Variants in DOCK2 observed in about 807,000 individuals in gnomAD.
DOCK2 encodes dedicator of cytokinesis 2, also known as dedicator of cytokinesis protein 2.
Under a neutral mutation model 248.9 loss-of-function variants are expected in DOCK2, and 87 were observed. That is an observed-to-expected ratio of 0.35 (90% confidence interval 0.29 to 0.42). The LOEUF (loss-of-function observed/expected upper bound fraction) is 0.42. DOCK2 is among the 10% of genes least tolerant of loss of function. The probability of loss-of-function intolerance (pLI) is 1.00; values close to 1 mark genes in which losing one functional copy is unlikely to be tolerated. For missense variants in DOCK2, 1,747 were observed against 2,300.2 expected, an observed-to-expected ratio of 0.76 and a Z score of 4.92; for synonymous variants, 805 against 821.6, an observed-to-expected ratio of 0.98 and a Z score of 0.35.
rs2113506489 is a variant in DOCK2 at position 169,708,084 on chromosome 5, G to A, written c.1384-85G>A. 1.5e-5 allele frequency: 21 copies of A among 1,444,026 alleles called. No homozygotes were observed. The South Asian group carries it at 2.6e-4, about 18-fold the overall frequency. 89.5% of individuals were successfully genotyped at this position (1,444,026 alleles called of 1,614,324 possible). The stretch of plus-strand genomic sequence containing the variant: ...AGGGTTGGCCCAGGCCCTAAGGCTG[G>A]TCGTGGCCTAGGGACCAAACCTGCA... On this transcript the variant is annotated intron_variant, in intron 14 of 51. Coordinates refer to ENST00000520908, the MANE Select transcript of DOCK2 (RefSeq NM_004946.3).
intron 27 of DOCK2, among the ~76,000 whole-genome samples, chr5:169,968,849 G>C (rs771225224): frequency 6.6e-6 from 1 of 152,238 alleles, no homozygotes; most frequent in East Asian, 1.9e-4. Flanking sequence ...AATAGAGAAG[G>C]CTTCCCGGGA....
In DOCK2 at chr5:169,932,551, G is replaced by A. The variant is rs144564366; in HGVS notation, c.2800-50517G>A. Among the ~76,000 whole-genome samples, 672 of 152,282 alleles carry A rather than the reference G, an allele frequency of 4.4e-3. 3 individuals carry two copies. The highest frequency in any genetic ancestry group is 7.3e-3 in the Non-Finnish European group (496 of 68,026). On this transcript the variant is annotated intron_variant, in intron 27 of 51. Transcript: ENST00000520908. Reference sequence around the variant, plus strand: ...TGCATGCCTCACTGATGCTTTTGCCGTCAGTTTTGGGTTTTTTAGACCTGG... The same window carrying A: ...TGCATGCCTCACTGATGCTTTTGCCATCAGTTTTGGGTTTTTTAGACCTGG...
In DOCK2 at chr5:169,714,029, G is replaced by A; in HGVS notation, c.1661G>A (p.Gly554Glu). ...GCAGTAACCAAGTGTTGTTTCCAGG[G>A]GGACAGCAAGAAGATGGAGGATGCC... ...DGFHDLVVLK[G>E]DSKKMEDASA... The change falls in exon 18 of 52, where the codon GGG becomes GAG. Residue 554 changes from glycine (G) to glutamate (E), a missense_variant and splice_region_variant. Gly to Glu is a moderately conservative substitution (Grantham distance 98). This residue lies in a region of DOCK2 where 858 missense variants were observed against 1,183.5 expected (regional missense o/e 0.72). Coordinates refer to ENST00000520908, the MANE Select transcript of DOCK2 (RefSeq NM_004946.3). 1 of 1,592,674 alleles carries A rather than the reference G, an allele frequency of 6.3e-7. No individual in the cohort carries two copies. Among genetic ancestry groups the A allele is most frequent in the Non-Finnish European group, 8.6e-7 (1 of 1,166,136 alleles).
At chr5:169,804,472 G>GCA (rs1767200029) in intron 26 of DOCK2, among the ~76,000 whole-genome samples, 1 of 83,708 alleles carries the variant, frequency 1.2e-5, no homozygotes, top group African/African-American at 3.0e-5. Flanking sequence ...GTGTGTGTGT[G>GCA]TGTGTGTGTG....
intron 23 of DOCK2, among the ~76,000 whole-genome samples, chr5:169,758,162 C>T (rs1375421336): frequency 6.6e-6 from 1 of 152,144 alleles, no homozygotes; most frequent in African/African-American, 2.4e-5. Flanking sequence ...TTGAGCAGTG[C>T]TGGGCAGTGG....
intron 44 of DOCK2, among the ~76,000 whole-genome samples, chr5:170,064,859 T>C (rs887844440): frequency 6.6e-6 from 1 of 152,110 alleles, no homozygotes; most frequent in African/African-American, 2.4e-5. Flanking sequence ...TTATAAGAAA[T>C]ACTAAAGGTA....
At chr5:170,005,314 A>C (rs766868350) in intron 30 of DOCK2, among the ~76,000 whole-genome samples, 3 of 152,194 alleles carry the variant, frequency 2.0e-5, no homozygotes, top group Non-Finnish European at 4.4e-5. Flanking sequence ...CAATATAGCA[A>C]TTGATAAACA....
chr5:169,724,329 T>A (rs934117376), intron 22 of DOCK2, among the ~76,000 whole-genome samples: 1 of 152,170 alleles, frequency 6.6e-6, no homozygotes, highest in Non-Finnish European at 1.5e-5. Flanking sequence ...AGGAAAGGCA[T>A]CCTTGCTGTT....
At chr5:169,976,562 A>T (rs1380345704) in intron 27 of DOCK2, among the ~76,000 whole-genome samples, 1 of 152,192 alleles carries the variant, frequency 6.6e-6, no homozygotes, top group East Asian at 1.9e-4. Flanking sequence ...CATATACTTT[A>T]GAAGTTTTCA....
At chr5:169,703,063 A>C (rs562402862) in intron 14 of DOCK2, among the ~76,000 whole-genome samples, 27 of 152,228 alleles carry the variant, frequency 1.8e-4, no homozygotes, top group African/African-American at 6.5e-4. Flanking sequence ...TATTTTCTTT[A>C]AGGTTGTCAG....
chr5:169,779,938 C>T (rs1225089240), intron 25 of DOCK2, among the ~76,000 whole-genome samples: 7 of 152,038 alleles, frequency 4.6e-5, no homozygotes, highest in Admixed American at 2.6e-4. Context: ...GAATTCATCC[C>T]GTTGCATTTG....
At chr5:169,834,711 C>T (rs1200744068) in intron 26 of DOCK2, among the ~76,000 whole-genome samples, 1 of 152,028 alleles carries the variant, frequency 6.6e-6, no homozygotes, top group Non-Finnish European at 1.5e-5. Context: ...CCAACCAGAT[C>T]ACCCTGCAAT....
Position 169,712,212 on chromosome 5 carries a change from G to C in DOCK2, c.1648G>C (p.Val550Leu). ...TTLHDGFHDL[V>L]VLKGDSKKME... ...TCTACACGATGGATTCCATGACTTA[G>C]TTGTCCTCAAGGTACCATGAGTTGG... Residue 550 changes from valine (V) to leucine (L), a missense_variant, in exon 17 of 52, where the codon GTT (valine) becomes CTT (leucine). This residue lies in a region of DOCK2 where 858 missense variants were observed against 1,183.5 expected (regional missense o/e 0.72). Transcript: ENST00000520908. The C allele has an allele frequency of 6.2e-7, 1 of 1,614,066 alleles. No homozygotes were observed. The highest frequency in any genetic ancestry group is 8.5e-7 in the Non-Finnish European group (1 of 1,179,930).
chr5:170,008,266 C>T (rs948966205), intron 30 of DOCK2, among the ~76,000 whole-genome samples: 1 of 151,880 alleles, frequency 6.6e-6, no homozygotes, highest in African/African-American at 2.4e-5. Context: ...CTCCCAAATC[C>T]TGTTGTCTGA....
At chr5:169,777,812 A>G (rs146299330) in intron 25 of DOCK2, among the ~76,000 whole-genome samples, 27 of 152,360 alleles carry the variant, frequency 1.8e-4, no homozygotes, top group South Asian at 1.2e-3. Context: ...CATCATTAAT[A>G]ACTATTACTA....
rs775705014 is a variant in DOCK2 at position 170,078,958 on chromosome 5, C to T, written c.4995-17C>T. On this transcript the variant is annotated splice_polypyrimidine_tract_variant and intron_variant, in intron 48 of 51. Transcript: ENST00000520908. Reference sequence around the variant, plus strand: ...GCTCTAACTGCAGTTTCTATTGCTGCCCCTCTGGCCTTTCAGCTTTGACCT... The same window carrying T: ...GCTCTAACTGCAGTTTCTATTGCTGTCCCTCTGGCCTTTCAGCTTTGACCT... The T allele has an allele frequency of 3.1e-6, 5 of 1,612,678 alleles. No individual in the cohort carries two copies. Among genetic ancestry groups the T allele is most frequent in the South Asian group, 1.1e-5 (1 of 91,012 alleles).
chr5:169,727,710 A>G (rs984051388), intron 22 of DOCK2, among the ~76,000 whole-genome samples: 1 of 152,170 alleles, frequency 6.6e-6, no homozygotes, highest in Non-Finnish European at 1.5e-5. Flanking sequence ...ACTTATAAAC[A>G]CTTAATTTAG....
Position 169,738,954 on chromosome 5 carries a change from G to A in DOCK2, c.2268-8442G>A, listed in dbSNP as rs529098474. ...ATCCTACTGCTCAAAGAGGTCTCCA[G>A]GCACTCAAACCTCAGTGTGTTTGAT... On this transcript the variant is annotated intron_variant, in intron 22 of 51. Coordinates refer to ENST00000520908, the MANE Select transcript of DOCK2 (RefSeq NM_004946.3). Among the ~76,000 whole-genome samples the A allele has an allele frequency of 2.6e-4, 39 of 152,316 alleles. No individual in the cohort carries two copies. In the South Asian group the frequency reaches 7.9e-3, roughly 31 times the overall value.
At chr5:169,804,346 C>T (rs541820372) in intron 26 of DOCK2, among the ~76,000 whole-genome samples, 5 of 152,032 alleles carry the variant, frequency 3.3e-5, no homozygotes, top group Non-Finnish European at 7.4e-5. Context: ...ATGACATACC[C>T]GGTGTGCGCT....
Sources: gnomAD v4.1 joint callset for allele counts (sites outside exome capture counted in the v4.1 genomes callset) on GRCh38, gnomAD v4.1.1 for gene constraint, gnomAD v4.1.1 regional missense constraint, MANE v1.5 for transcripts, NCBI Gene and HGNC (gene_info 2026-07-23, HGNC 2026-07-21) for gene names.